The following NAALADL2 variants were observed in gnomAD, a reference collection of about 807,000 sequenced individuals.
NAALADL2 encodes the protein N-acetylated alpha-linked acidic dipeptidase like 2.
A neutral mutation model predicts 87.2 loss-of-function variants in NAALADL2; 76 were observed. That is an observed-to-expected ratio of 0.87 (90% CI 0.72 to 1.05). The LOEUF is 1.05. Among genes scored for constraint, NAALADL2 ranks in the 50% least tolerant of loss-of-function variants. The pLI is 0.00. For missense variants in NAALADL2, 1,089 were observed against 945.8 expected, an observed-to-expected ratio of 1.15 and a Z score of -1.99; for synonymous variants, 354 against 331.0, an observed-to-expected ratio of 1.07 and a Z score of -0.75.
intron 5 of NAALADL2, among the ~76,000 whole-genome samples, chr3:175,331,805 A>T (rs1323745787): frequency 2.0e-5 from 3 of 152,194 alleles, no homozygotes; most frequent in Admixed American, 1.3e-4. Flanking sequence ...GAAAAGAAGA[A>T]GTCAAATTGT....
intron 9 of NAALADL2, among the ~76,000 whole-genome samples, chr3:175,547,346 G>A (rs1421950085): frequency 6.6e-6 from 1 of 152,032 alleles, no homozygotes; most frequent in Admixed American, 6.6e-5. Flanking sequence ...ATGGTCCTGG[G>A]ATAATTGGCT....
intron 1 of NAALADL2, among the ~76,000 whole-genome samples, chr3:174,862,852 T>C (rs776646452): frequency 2.6e-4 from 39 of 152,090 alleles, no homozygotes; most frequent in Non-Finnish European, 4.1e-4. Context: ...TAGCTCTCCT[T>C]CTACTTCAGT....
chr3:174,562,547 C>T (rs1713755703), intron 2 of NAALADL2, among the ~76,000 whole-genome samples: 1 of 152,044 alleles, frequency 6.6e-6, no homozygotes, highest in Non-Finnish European at 1.5e-5. Flanking sequence ...TTGTTTATAT[C>T]TGTGTGCTTT....
chr3:174,802,715 G>A (rs566063643), intron 3 of NAALADL2, among the ~76,000 whole-genome samples: 2 of 152,234 alleles, frequency 1.3e-5, no homozygotes, highest in South Asian at 2.1e-4. Flanking sequence ...TCCTACCTAT[G>A]AGTGAGAACA....
chr3:175,054,295 G>A (rs1031509783), intron 1 of NAALADL2, among the ~76,000 whole-genome samples: 2 of 152,146 alleles, frequency 1.3e-5, no homozygotes, highest in Non-Finnish European at 2.9e-5. Flanking sequence ...GTTTACCGCT[G>A]GAATTGTAAA....
intron 5 of NAALADL2, among the ~76,000 whole-genome samples, chr3:175,406,777 C>G (rs1167165271): frequency 6.6e-6 from 1 of 152,020 alleles, no homozygotes; most frequent in East Asian, 1.9e-4. Flanking sequence ...CTATTTTCCA[C>G]TTGTTATCCC....
intron 9 of NAALADL2, among the ~76,000 whole-genome samples, chr3:175,557,316 A>T (rs1048179123): frequency 1.3e-5 from 2 of 152,168 alleles, no homozygotes; most frequent in African/African-American, 4.8e-5. Context: ...AGATATTTTG[A>T]TGCAAGCATG....
chr3:175,371,416 C>T (rs145415781), intron 5 of NAALADL2, among the ~76,000 whole-genome samples: 14,285 of 152,008 alleles, frequency 0.094, 728 homozygotes, highest in East Asian at 0.19. Context: ...TACAGGCGCC[C>T]GCCACCGCGC....
Position 174,467,148 on chromosome 3 carries a change from C to T in NAALADL2, c.-184+26116C>T, listed in dbSNP as rs79996392. Among the ~76,000 whole-genome samples the T allele has an allele frequency of 5.4e-3, 817 of 152,186 alleles. 7 individuals are homozygous for T. Among genetic ancestry groups the T allele is most frequent in the East Asian group, 0.041 (214 of 5,174 alleles). On this transcript the variant is annotated intron_variant, in intron 1 of 3. Transcript: ENST00000434257. ...TATTGCTAATGGGAGTAAAAAGTATCAGTTCTTTGGAAAGCAGTTTATTAA... is the reference window on the plus strand; with the variant it reads ...TATTGCTAATGGGAGTAAAAAGTATTAGTTCTTTGGAAAGCAGTTTATTAA...
At position 174,512,671 on chromosome 3, in the gene NAALADL2, G is replaced by A. The variant is rs943719408; in HGVS notation, c.-183-37898G>A. On this transcript the variant is annotated intron_variant, in intron 1 of 3. Transcript: ENST00000434257. The stretch of plus-strand genomic sequence containing the variant: ...TTTAGCTGCCTTGGCCTCCCCAAAC[G>A]GATCTCTGTCTCCTCAACTCAGTGA... Among the ~76,000 whole-genome samples the A allele has an allele frequency of 1.6e-4, 25 of 151,972 alleles. 1 individual carries two copies. Among genetic ancestry groups the A allele is most frequent in the Admixed American group, 1.5e-3 (23 of 15,254 alleles).
chr3:175,716,314 T>C (rs1414989631), intron 11 of NAALADL2, among the ~76,000 whole-genome samples: 1 of 146,734 alleles, frequency 6.8e-6, no homozygotes, highest in Non-Finnish European at 1.5e-5. Flanking sequence ...ATATTACATA[T>C]ATAATATACA....
At chr3:174,843,600 A>C (rs1724261661) in intron 3 of NAALADL2, among the ~76,000 whole-genome samples, 1 of 152,144 alleles carries the variant, frequency 6.6e-6, no homozygotes, top group African/African-American at 2.4e-5. Flanking sequence ...TTTTTAATTT[A>C]ATGAGGAACC....
intron 2 of NAALADL2, among the ~76,000 whole-genome samples, chr3:175,193,636 G>A (rs1738540632): frequency 6.6e-6 from 1 of 151,440 alleles, no homozygotes; most frequent in South Asian, 2.1e-4. Context: ...TCAAATATTA[G>A]AGGCAAAGTC....
At position 175,738,297 on chromosome 3, in the gene NAALADL2, G is replaced by A. The variant is rs1744787006; in HGVS notation, c.1990+898G>A. On this transcript the variant is annotated intron_variant, in intron 12 of 13. Transcript: ENST00000454872. ...ATCTCACTGTCTATTGCCCAGGCTGGAGTGCAGTGGTGCGATCTCAGCTCA... is the reference window on the plus strand; with the variant it reads ...ATCTCACTGTCTATTGCCCAGGCTGAAGTGCAGTGGTGCGATCTCAGCTCA... Among the ~76,000 whole-genome samples, 4 of 151,600 alleles carry A rather than the reference G, an allele frequency of 2.6e-5. No homozygotes were observed. The South Asian group carries it at 8.3e-4, about 32-fold the overall frequency.
chr3:175,277,472 T>A (rs1753749412), intron 4 of NAALADL2, among the ~76,000 whole-genome samples: 1 of 152,178 alleles, frequency 6.6e-6, no homozygotes, highest in African/African-American at 2.4e-5. Context: ...TACGGGACAG[T>A]GAAGGACTGT....
intron 1 of NAALADL2, among the ~76,000 whole-genome samples, chr3:174,939,657 ATTTG>A (rs899027811): frequency 1.3e-5 from 2 of 151,706 alleles, no homozygotes; most frequent in South Asian, 2.1e-4. Context: ...ATTTATTTTT[ATTTG>A]TTTGTCTTCT....
At chr3:175,161,723 G>T (rs751761783) in intron 2 of NAALADL2, among the ~76,000 whole-genome samples, 5 of 141,348 alleles carry the variant, frequency 3.5e-5, no homozygotes, top group Non-Finnish European at 7.5e-5. Context: ...AACTTCTATA[G>T]CAAGTAAAGT....
chr3:175,326,535 T>C (rs1760724795), intron 5 of NAALADL2, among the ~76,000 whole-genome samples: 1 of 152,204 alleles, frequency 6.6e-6, no homozygotes, highest in Non-Finnish European at 1.5e-5. Context: ...GAACCGCACT[T>C]CTGGTTTCAA....
intron 11 of NAALADL2, among the ~76,000 whole-genome samples, chr3:175,711,790 CA>C (rs2150002963): frequency 6.6e-6 from 1 of 151,800 alleles, no homozygotes; most frequent in African/African-American, 2.4e-5. Context: ...TGCAGGATGA[CA>C]TGTTATATAC....
Sources: allele counts gnomAD v4.1 joint callset (sites outside exome capture counted in the v4.1 genomes callset), GRCh38; gene constraint gnomAD v4.1.1; transcripts MANE v1.5; gene names NCBI Gene and HGNC (gene_info 2026-07-23, HGNC 2026-07-21).